Variants in PCMTD1 observed in about 807,000 individuals in gnomAD.
The protein encoded by PCMTD1 is protein-L-isoaspartate O-methyltransferase domain-containing protein 1.
PCMTD1 carries 12 observed loss-of-function variants against 37.6 expected under a neutral mutation model. The observed-to-expected ratio is 0.32, with a 90% CI of 0.20 to 0.52. The LOEUF (loss-of-function observed/expected upper bound fraction) is 0.52. PCMTD1 is among the 20% of genes least tolerant of loss of function. The pLI, the probability that PCMTD1 is intolerant of heterozygous loss-of-function variation, is 0.97. For synonymous variants in PCMTD1, 117 were observed against 135.8 expected (o/e 0.86, Z 0.96); for missense variants, 235 against 421.3 (o/e 0.56, Z 3.87).
intron 5 of PCMTD1, among the ~76,000 whole-genome samples, chr8:51,826,426 T>C (rs934088945): frequency 6.6e-6 from 1 of 152,134 alleles, no homozygotes; most frequent in Non-Finnish European, 1.5e-5. Flanking sequence ...ATGTAGGTCA[T>C]GGGTTGATGG....
intron 1 of PCMTD1, among the ~76,000 whole-genome samples, chr8:51,873,794 C>A (rs987349783): frequency 1.3e-5 from 2 of 152,170 alleles, no homozygotes; most frequent in Non-Finnish European, 2.9e-5. Flanking sequence ...TGGGGCCTCG[C>A]CAGAAGCCAA....
At chr8:51,834,210 A>G (rs2038035871) in intron 3 of PCMTD1, among the ~76,000 whole-genome samples, 1 of 152,216 alleles carries the variant, frequency 6.6e-6, no homozygotes, top group Non-Finnish European at 1.5e-5. Flanking sequence ...CCCTGCAACC[A>G]GTAAGGTTAG....
At chr8:51,836,585 A>T (rs1196695976) in intron 3 of PCMTD1, among the ~76,000 whole-genome samples, 2 of 152,072 alleles carry the variant, frequency 1.3e-5, no homozygotes, top group Non-Finnish European at 2.9e-5. Context: ...GAACTAAATT[A>T]AAAAAAAGAA....
intron 1 of PCMTD1, among the ~76,000 whole-genome samples, chr8:51,891,548 C>T (rs905841778): frequency 1.3e-5 from 2 of 150,886 alleles, no homozygotes; most frequent in Non-Finnish European, 3.0e-5. Context: ...ACAGCGAGGC[C>T]CTGTCTCAAA....
At chr8:51,862,294 C>A (rs1300601157) in intron 1 of PCMTD1, among the ~76,000 whole-genome samples, 1 of 151,964 alleles carries the variant, frequency 6.6e-6, no homozygotes, top group Non-Finnish European at 1.5e-5. Context: ...CTTGTTGTGA[C>A]AGAAACCACA....
chr8:51,859,147 C>T (rs1298456509), intron 2 of PCMTD1, among the ~76,000 whole-genome samples: 1 of 152,174 alleles, frequency 6.6e-6, no homozygotes, highest in Non-Finnish European at 1.5e-5. Flanking sequence ...TAAACAGGCA[C>T]TTTCAGGCTG....
chr8:51,872,726 C>A (rs2038656503), intron 1 of PCMTD1, among the ~76,000 whole-genome samples: 1 of 152,178 alleles, frequency 6.6e-6, no homozygotes, highest in African/African-American at 2.4e-5. Flanking sequence ...AAATGCACAA[C>A]TGGGGACTAC....
intron 3 of PCMTD1, among the ~76,000 whole-genome samples, chr8:51,840,820 G>C (rs9643466): frequency 0.69 from 104,504 of 151,990 alleles, 42,367 homozygotes; most frequent in Non-Finnish European, 0.9. Flanking sequence ...TTGCCTCCCC[G>C]ACCCATCCCT....
chr8:51,846,773 G>GACA (rs1173790681), intron 2 of PCMTD1, among the ~76,000 whole-genome samples: 2 of 152,140 alleles, frequency 1.3e-5, no homozygotes, highest in African/African-American at 4.8e-5. Flanking sequence ...ATGTTTGAAT[G>GACA]TTGAAACAGT....
chr8:51,891,105 T>C (rs1199844842), intron 1 of PCMTD1, among the ~76,000 whole-genome samples: 2 of 152,222 alleles, frequency 1.3e-5, no homozygotes, highest in South Asian at 2.1e-4. Flanking sequence ...ATCAAATAAA[T>C]GAGCTTTTAC....
At chr8:51,880,718 AAT>A (rs1348962114) in intron 1 of PCMTD1, among the ~76,000 whole-genome samples, 1 of 152,194 alleles carries the variant, frequency 6.6e-6, no homozygotes, top group African/African-American at 2.4e-5. Context: ...CACTACAGTC[AAT>A]GTCACTAGTA....
At chr8:51,897,514 AAAATG>A (rs1335036635) in intron 1 of PCMTD1, among the ~76,000 whole-genome samples, 1 of 152,250 alleles carries the variant, frequency 6.6e-6, no homozygotes, top group Non-Finnish European at 1.5e-5. Context: ...TACTTAGAAA[AAAATG>A]AAATAAAAAA....
chr8:51,870,852 T>G (rs1001746357), intron 1 of PCMTD1, among the ~76,000 whole-genome samples: 1 of 152,164 alleles, frequency 6.6e-6, no homozygotes, highest in African/African-American at 2.4e-5. Flanking sequence ...TACTCTCAGC[T>G]TCAAAGGAAG....
chr8:51,881,592 G>C (rs796094848), intron 1 of PCMTD1, among the ~76,000 whole-genome samples: 14 of 152,246 alleles, frequency 9.2e-5, no homozygotes, highest in Admixed American at 3.3e-4. Flanking sequence ...CAACAGATCT[G>C]ATTTTGTCCA....
At chr8:51,840,951 A>G (rs6986544) in intron 3 of PCMTD1, among the ~76,000 whole-genome samples, 76,928 of 151,888 alleles carry the variant, frequency 0.51, 23,573 homozygotes, top group Non-Finnish European at 0.68. Context: ...ATGTGAAAAA[A>G]GTAAATTATG....
intron 1 of PCMTD1, among the ~76,000 whole-genome samples, chr8:51,880,000 T>G (rs1364779855): frequency 6.7e-6 from 1 of 148,638 alleles, no homozygotes; most frequent in Non-Finnish European, 1.5e-5. Flanking sequence ...CTAGGCAACA[T>G]AGCGAGACCA....
intron 2 of PCMTD1, among the ~76,000 whole-genome samples, chr8:51,859,309 A>G (rs1401429240): frequency 1.3e-5 from 2 of 151,988 alleles, no homozygotes; most frequent in African/African-American, 2.4e-5. Flanking sequence ...CTCAAACCCT[A>G]GAGATTCCTT....
At position 51,831,476 on chromosome 8, in the gene PCMTD1, T is replaced by C. The variant is rs773633950; in HGVS notation, c.674A>G (p.Asn225Ser). 2 of 1,613,826 alleles carry C rather than the reference T, an allele frequency of 1.2e-6. No individual in the cohort carries two copies. The highest frequency in any genetic ancestry group is 1.7e-6 in the Non-Finnish European group (2 of 1,179,894). Reference sequence around the variant, plus strand: ...CACAGAATCTGGTTTGCCATTATCATTCTTACTTGGTTGCACAAGTGGAGC... The same window carrying C: ...CACAGAATCTGGTTTGCCATTATCACTCTTACTTGGTTGCACAAGTGGAGC... ...SFAPLVQPSKNDNGKPDSVGL... is the reference protein window; with the variant it reads ...SFAPLVQPSKSDNGKPDSVGL... The change falls in exon 5 of 6, where the codon AAT becomes AGT. Residue 225 changes from asparagine (N) to serine (S), a missense_variant. Physicochemically the swap from Asn to Ser is conservative, Grantham distance 46 (BLOSUM62 1). Coordinates refer to ENST00000522514, the MANE Select transcript of PCMTD1 (RefSeq NM_052937.4).
At chr8:51,830,029 C>T (rs1455058853) in intron 5 of PCMTD1, among the ~76,000 whole-genome samples, 2 of 152,166 alleles carry the variant, frequency 1.3e-5, no homozygotes, top group African/African-American at 4.8e-5. Flanking sequence ...CTCTCCATTT[C>T]AAGCTCTCAT....
Sources: gnomAD v4.1 joint callset for allele counts (sites outside exome capture counted in the v4.1 genomes callset) on GRCh38, gnomAD v4.1.1 for gene constraint, MANE v1.5 for transcripts, NCBI Gene and HGNC (gene_info 2026-07-23, HGNC 2026-07-21) for gene names.